ADGRB1: variants seen among roughly 807,000 people sequenced by gnomAD.
ADGRB1 encodes the protein brain-specific angiogenesis inhibitor 1.
Under a neutral mutation model 175.7 loss-of-function variants are expected in ADGRB1, and 36 were observed. That is an observed-to-expected ratio of 0.20 (90% confidence interval 0.16 to 0.27). ADGRB1 has a LOEUF of 0.27. Ranked by LOEUF, ADGRB1 falls within the 10% of genes least tolerant of loss-of-function variation. The probability of loss-of-function intolerance (pLI) is 1.00; values close to 1 mark genes in which losing one functional copy is unlikely to be tolerated. For missense variants in ADGRB1, 1,731 were observed against 2,255.3 expected, an observed-to-expected ratio of 0.77 and a Z score of 4.71; for synonymous variants, 1,054 against 979.4, an observed-to-expected ratio of 1.08 and a Z score of -1.42.
rs1179928415 is a variant in ADGRB1, at chr8:142,476,644, G to A, written c.1006G>A (p.Glu336Lys). The change falls in exon 4 of 31, where the codon GAG becomes AAG. Residue 336 changes from glutamate (E) to lysine (K), a missense_variant. Coordinates refer to ENST00000517894, the MANE Select transcript of ADGRB1 (RefSeq NM_001702.3). Reference sequence around the variant, plus strand: ...GCGGTCCACAGATGCCCGGCGGCGCGAGGAGCTGGGGGACGAGCTGCAGCA... The same window carrying A: ...GCGGTCCACAGATGCCCGGCGGCGCAAGGAGCTGGGGGACGAGCTGCAGCA... ...SLRSTDARRREELGDELQQFG... is the reference protein window; with the variant it reads ...SLRSTDARRRKELGDELQQFG... 8 of 1,548,470 alleles carry A rather than the reference G, an allele frequency of 5.2e-6. No individual in the cohort carries two copies. The East Asian group carries it at 7.3e-5, about 14-fold the overall frequency.
Position 142,464,367 on chromosome 8 carries a change from G to A in ADGRB1, c.169G>A (p.Ala57Thr), listed in dbSNP as rs1330766443. The part of the protein sequence containing the change: ...VQGKFFGYFS[A>T]AAVFPANASR... ...GGGAAAGTTCTTCGGCTACTTCTCC[G>A]CGGCCGCCGTGTTCCCGGCCAACGC... The change falls in exon 2 of 31, where the codon GCG becomes ACG. Residue 57 changes from alanine to threonine, a missense_variant. Ala to Thr is a moderately conservative substitution (Grantham distance 58, BLOSUM62 0). Transcript: ENST00000517894. The A allele has an allele frequency of 1.3e-6, 2 of 1,521,354 alleles. No homozygotes were observed. The highest frequency in any genetic ancestry group is 1.4e-5 in the African/African-American group (1 of 70,066). 94.2% of individuals were successfully genotyped at this position (1,521,354 alleles called of 1,614,324 possible).
rs1224219322 is a variant in ADGRB1 at position 142,477,394 on chromosome 8, C to T, written c.1232C>T (p.Ala411Val). 1.2e-6 allele frequency: 2 copies of T among 1,608,378 alleles called. No individual in the cohort carries two copies. The highest frequency in any genetic ancestry group is 1.1e-5 in the South Asian group (1 of 91,036). Residue 411 changes from alanine to valine, a missense_variant, in exon 6 of 31, where the codon GCC becomes GTC. By Grantham distance (64) the Ala-to-Val change is moderately conservative. This residue lies in a region of ADGRB1 where 178 missense variants were observed against 227.8 expected (regional missense o/e 0.78). Transcript: ENST00000517894. ...TTCCGTCCCTCTGCAGTGCATGGTG[C>T]CTGGGATGAGTGGTCGCCCTGGAGC... ...NNSAVCPVHGAWDEWSPWSLC... is the reference protein window; with the variant it reads ...NNSAVCPVHGVWDEWSPWSLC...
chr8:142,463,999 G>T lies in ADGRB1; in HGVS notation c.-200G>T, dbSNP rs919448414. The T allele has an allele frequency of 9.7e-5, 39 of 403,558 alleles. No individual in the cohort carries two copies. The highest frequency in any genetic ancestry group is 1.5e-4 in the Non-Finnish European group (36 of 241,302). The allele number at this position is 403,558 out of a possible 1,614,324, so 25.0% of individuals were successfully genotyped here. ...TTCCAGCTGCTGCTGGTGGCCACAG[G>T]CTGGCACCAGGGCCCTGGACTTTAG... is the stretch of plus-strand genomic sequence containing the variant. On this transcript the variant is annotated 5_prime_UTR_variant, in exon 2 of 31. Transcript: ENST00000517894.
At chr8:142,477,978 G>A (rs1338587039) in intron 6 of ADGRB1, among the ~76,000 whole-genome samples, 7 of 149,974 alleles carry the variant, frequency 4.7e-5, no homozygotes, top group African/African-American at 1.7e-4. Flanking sequence ...GTGGGGTGGT[G>A]GCCCCCAGGG....
chr8:142,466,161 G>A (rs1434429525), intron 2 of ADGRB1, among the ~76,000 whole-genome samples: 1 of 152,172 alleles, frequency 6.6e-6, no homozygotes, highest in African/African-American at 2.4e-5. Context: ...GGGGCTGACT[G>A]CATACATCGG....
intron 2 of ADGRB1, among the ~76,000 whole-genome samples, chr8:142,470,604 A>G (rs1205065309): frequency 6.6e-6 from 1 of 151,718 alleles, no homozygotes; most frequent in Non-Finnish European, 1.5e-5. Context: ...TCGAGTGTAT[A>G]TCCCTGTGTG....
intron 23 of ADGRB1, among the ~76,000 whole-genome samples, chr8:142,525,609 TG>T (rs1337180438): frequency 1.3e-5 from 2 of 152,150 alleles, no homozygotes; most frequent in African/African-American, 2.4e-5. Flanking sequence ...TGTGGGTGTC[TG>T]GGAACTCTGC....
chr8:142,483,897 T>G (rs1429201506), intron 11 of ADGRB1, 80 bp from the exon 12 acceptor site: 17 of 1,489,756 alleles, frequency 1.1e-5, no homozygotes, highest in African/African-American at 2.8e-5. Context: ...GGTCACACAC[T>G]GAATCCTGAC....
intron 13 of ADGRB1, among the ~76,000 whole-genome samples, chr8:142,487,848 G>T (rs1400770026): frequency 6.6e-6 from 1 of 152,176 alleles, no homozygotes; most frequent in Admixed American, 6.5e-5. Flanking sequence ...CTTTCACCGT[G>T]GCCCATACTG....
At chr8:142,456,493 G>A (rs368020970) in intron 1 of ADGRB1, among the ~76,000 whole-genome samples, 1 of 152,080 alleles carries the variant, frequency 6.6e-6, no homozygotes, top group Non-Finnish European at 1.5e-5. Context: ...GACTCAGCTG[G>A]AACACGCACA....
At position 142,469,433 on chromosome 8, in the gene ADGRB1, A is replaced by G. The variant is rs532874383; in HGVS notation, c.784+4451A>G. On this transcript the variant is annotated intron_variant, in intron 2 of 30. Coordinates refer to ENST00000517894, the MANE Select transcript of ADGRB1 (RefSeq NM_001702.3). ...TGAATGTGAGTGTGTGCACGTGTGA[A>G]TGAGTGTGTGCACGTGCGTGAATGT... Among the ~76,000 whole-genome samples, 296 of 116,128 alleles carry G rather than the reference A, an allele frequency of 2.5e-3. 3 individuals are homozygous for G. The highest frequency in any genetic ancestry group is 9.2e-3 in the African/African-American group (280 of 30,536). 76.2% of individuals were successfully genotyped at this position (116,128 alleles called of 152,430 possible). A position where few individuals can be genotyped will look rare whatever the true frequency, so the allele number is the denominator to read the frequency against.
chr8:142,540,599 G>T (rs1245464431), intron 27 of ADGRB1, among the ~76,000 whole-genome samples: 1 of 152,226 alleles, frequency 6.6e-6, no homozygotes, highest in Non-Finnish European at 1.5e-5. Context: ...TGTGCCCCAA[G>T]GTGGGTACAT....
chr8:142,499,037 C>G (rs1156453981), intron 17 of ADGRB1, among the ~76,000 whole-genome samples: 2 of 152,212 alleles, frequency 1.3e-5, no homozygotes, highest in African/African-American at 2.4e-5. Flanking sequence ...CACCCCTTTC[C>G]TGGTGGGCAG....
rs776637414 is a variant in ADGRB1, at chr8:142,477,568, G to A, written c.1387+19G>A. 22 of 1,606,520 alleles carry A rather than the reference G, an allele frequency of 1.4e-5. No individual in the cohort carries two copies. Among genetic ancestry groups the A allele is most frequent in the African/African-American group, 5.3e-5 (4 of 74,948 alleles). ...TGCCCTGGTAGGTGAGAGGGAGGGC[G>A]TAGGGGCAGGGAGGAAGGGAAGAAA... is the stretch of plus-strand genomic sequence containing the variant. On this transcript the variant is annotated intron_variant, in intron 6 of 30. Transcript: ENST00000517894.
At chr8:142,453,363 C>T (rs985359871) in intron 1 of ADGRB1, among the ~76,000 whole-genome samples, 6 of 152,208 alleles carry the variant, frequency 3.9e-5, no homozygotes, top group African/African-American at 1.2e-4. Flanking sequence ...GGGCTGCCCC[C>T]GGGTCTGCTC....
chr8:142,476,522 G>A (rs1165581995), intron 3 of ADGRB1, 63 bp from the exon 4 acceptor site: 7 of 1,452,540 alleles, frequency 4.8e-6, no homozygotes, highest in Non-Finnish European at 6.6e-6. Context: ...GAGCACTGTG[G>A]CCACAGAGAG....
At chr8:142,538,196 A>G (rs1845051372) in intron 26 of ADGRB1, among the ~76,000 whole-genome samples, 1 of 152,142 alleles carries the variant, frequency 6.6e-6, no homozygotes, top group African/African-American at 2.4e-5. Context: ...TTCTGGGCTC[A>G]GGCCACGCCC....
At chr8:142,516,486 C>CCAGTT (rs1843445789) in intron 18 of ADGRB1, among the ~76,000 whole-genome samples, 1 of 86,416 alleles carries the variant, frequency 1.2e-5, no homozygotes, top group African/African-American at 4.6e-5. Context: ...TGTGTGCGCG[C>CCAGTT]GCGTGTGTGC....
At chr8:142,496,640 A>G (rs1290581932) in intron 17 of ADGRB1, among the ~76,000 whole-genome samples, 2 of 152,220 alleles carry the variant, frequency 1.3e-5, no homozygotes, top group East Asian at 1.9e-4. Flanking sequence ...GAGTTTACCG[A>G]GTATAAAAGT....
Sources: gnomAD v4.1 joint callset for allele counts (sites outside exome capture counted in the v4.1 genomes callset) on GRCh38, gnomAD v4.1.1 for gene constraint, gnomAD v4.1.1 regional missense constraint, MANE v1.5 for transcripts, NCBI Gene and HGNC (gene_info 2026-07-23, HGNC 2026-07-21) for gene names.